CDH23: variants seen among roughly 807,000 people sequenced by gnomAD.
CDH23 encodes the protein cadherin related 23.
Under a neutral mutation model 317.1 loss-of-function variants are expected in CDH23, and 189 were observed. That is an observed-to-expected ratio of 0.60 (90% CI 0.53 to 0.67). The LOEUF (loss-of-function observed/expected upper bound fraction) is 0.67, where lower values mean the gene tolerates loss of function less well. Ranked by LOEUF, CDH23 falls within the 30% of genes least tolerant of loss-of-function variation. CDH23 has a pLI of 0.00. For missense variants in CDH23, 4,401 were observed against 4,592.4 expected (o/e 0.96, Z 1.20); for synonymous variants, 1,839 against 1,876.8 (o/e 0.98, Z 0.52).
rs1564573013 is a variant in CDH23 at position 71,427,249 on chromosome 10, A to AAGAAAG, written c.-5-12576_-5-12571dup. On this transcript the variant is annotated intron_variant, in intron 1 of 69. Coordinates refer to ENST00000224721, the MANE Select transcript of CDH23 (RefSeq NM_022124.6). ...AGAAAGAAAGAAAGAAAGAAAGGGA[A>AAGAAAG]AGAAAGAAAGAGAAAGAGAGAAAGA... Among the ~76,000 whole-genome samples, 463 of 136,246 alleles carry AAGAAAG rather than the reference A, an allele frequency of 3.4e-3. 29 individuals are homozygous for AAGAAAG. The highest frequency in any genetic ancestry group is 0.012 in the African/African-American group (438 of 35,100). The allele number at this position is 136,246 out of a possible 152,430, so 89.4% of individuals were successfully genotyped here.
chr10:71,677,379 T>A, intron 15 of CDH23, 77 bp from the exon 16 acceptor site: 1 of 1,183,056 alleles, frequency 8.5e-7, no homozygotes. Flanking sequence ...AAGGACAGGC[T>A]GGGAAATGCC....
intron 1 of CDH23, among the ~76,000 whole-genome samples, chr10:71,403,335 CTTT>C (rs1847883817): frequency 3.4e-5 from 1 of 29,366 alleles, no homozygotes; most frequent in South Asian, 1.3e-3. Context: ...TCCTTTCTTT[CTTT>C]CTTTCTTTCT....
intron 38 of CDH23, 54 bp downstream of exon 38, chr10:71,741,975 C>A: frequency 7.1e-7 from 1 of 1,403,370 alleles, no homozygotes; most frequent in Non-Finnish European, 9.7e-7. Context: ...GCAGCTCCGC[C>A]TCCGAGTGAG....
chr10:71,578,403 A>G (rs777091550), intron 9 of CDH23, among the ~76,000 whole-genome samples: 1 of 152,150 alleles, frequency 6.6e-6, no homozygotes. Context: ...TTCTAGCATC[A>G]TTTTAGAACA....
chr10:71,694,932 G>A (rs778675218), intron 21 of CDH23, among the ~76,000 whole-genome samples: 11 of 152,320 alleles, frequency 7.2e-5, no homozygotes, highest in East Asian at 1.9e-4. Flanking sequence ...AGACGGTATC[G>A]CGTGGCCAGG....
chr10:71,642,906 C>T (rs888918103), intron 11 of CDH23, among the ~76,000 whole-genome samples: 1 of 152,206 alleles, frequency 6.6e-6, no homozygotes, highest in African/African-American at 2.4e-5. Context: ...ATCTTCACCA[C>T]CTGAGGCATG....
chr10:71,484,621 C>T (rs184904971), intron 3 of CDH23, among the ~76,000 whole-genome samples: 199 of 152,310 alleles, frequency 1.3e-3, no homozygotes, highest in Middle Eastern at 3.4e-3. Context: ...TGGTGGTGAC[C>T]TTGGGGGTGC....
intron 38 of CDH23, among the ~76,000 whole-genome samples, chr10:71,762,568 G>C (rs1840423033): frequency 6.6e-6 from 1 of 152,256 alleles, no homozygotes; most frequent in South Asian, 2.1e-4. Flanking sequence ...AGCAGACGAG[G>C]CCTGCATTCC....
intron 22 of CDH23, among the ~76,000 whole-genome samples, chr10:71,701,528 C>T (rs1865583717): frequency 6.6e-6 from 1 of 152,036 alleles, no homozygotes; most frequent in Non-Finnish European, 1.5e-5. Context: ...AGGTCCAGTC[C>T]TGAGACCCTG....
rs2132940662 is a variant in CDH23 at position 71,785,752 on chromosome 10, G to A, written c.5820+14G>A. 3 of 1,515,244 alleles carry A rather than the reference G, an allele frequency of 2.0e-6. No individual in the cohort carries two copies. The highest frequency in any genetic ancestry group is 2.3e-5 in the South Asian group (2 of 85,500). 93.9% of individuals were successfully genotyped at this position (1,515,244 alleles called of 1,614,324 possible). A position where few individuals can be genotyped will look rare whatever the true frequency, so the allele number is the denominator to read the frequency against. ...ATAGCCAGGAGGGTGAGACTGGAGG[G>A]CACTGGTGGGAGTGGGCTGGGAGCT... On this transcript the variant is annotated intron_variant, in intron 44 of 69. Coordinates refer to ENST00000224721, the MANE Select transcript of CDH23 (RefSeq NM_022124.6).
intron 28 of CDH23, chr10:71,715,744 G>A: frequency 4.1e-6 from 2 of 484,274 alleles, no homozygotes; most frequent in Non-Finnish European, 3.6e-6. Context: ...TCTGCAGAGA[G>A]GAAGGTGCTC....
In CDH23 at chr10:71,807,853, C is replaced by T. The variant is rs377647993; in HGVS notation, c.8568C>T (p.Ala2856=). ...FTKAEYTAGV[A]TDAKVGSELI... ...ACCTGCCTCTTCCTGCAGGGGTGGC[C>T]ACCGACGCCAAGGTGGGCTCAGAGT... Residue 2856 remains alanine (A), a synonymous_variant, in exon 60 of 70, where the codon GCC becomes GCT. Coordinates refer to ENST00000224721, the MANE Select transcript of CDH23 (RefSeq NM_022124.6). 4.4e-6 allele frequency: 7 copies of T among 1,601,122 alleles called. No homozygotes were observed. Among genetic ancestry groups the T allele is most frequent in the Non-Finnish European group, 6.0e-6 (7 of 1,173,884 alleles).
At chr10:71,675,216 G>T in intron 15 of CDH23, 40 bp downstream of exon 15, 1 of 1,561,936 alleles carries the variant, frequency 6.4e-7, no homozygotes. Context: ...CCTCCGCAGT[G>T]GTCCTTGGCC....
chr10:71,600,635 G>A (rs1860157453), intron 9 of CDH23, among the ~76,000 whole-genome samples: 3 of 151,002 alleles, frequency 2.0e-5, no homozygotes, highest in Admixed American at 6.6e-5. Flanking sequence ...TCCTGCCTCA[G>A]CCTCCTGAGT....
chr10:71,741,750 G>C lies in CDH23; in HGVS notation c.4674G>C (p.Gly1558=), dbSNP rs763836424. The C allele has an allele frequency of 7.4e-6, 12 of 1,612,570 alleles. No individual in the cohort carries two copies. Among genetic ancestry groups the C allele is most frequent in the Non-Finnish European group, 1.0e-5 (12 of 1,179,388 alleles). Residue 1558 remains glycine, a synonymous_variant, in exon 38 of 70, where the codon GGG becomes GGC. Coordinates refer to ENST00000224721, the MANE Select transcript of CDH23 (RefSeq NM_022124.6). ...TGAGAGCCACTGACCGTGACATCGG[G>C]ATCAACAGTGTTCTGTCCTACTACA... ...VQVRATDRDI[G]INSVLSYYIT... is the part of the protein sequence containing the mutation.
At chr10:71,590,050 C>T (rs781337266) in intron 9 of CDH23, among the ~76,000 whole-genome samples, 2 of 152,170 alleles carry the variant, frequency 1.3e-5, no homozygotes, top group Admixed American at 6.5e-5. Context: ...TTTTCTCCAC[C>T]GCTCCCTGCC....
intron 38 of CDH23, among the ~76,000 whole-genome samples, chr10:71,775,354 G>C (rs1840792755): frequency 6.6e-6 from 1 of 152,162 alleles, no homozygotes; most frequent in Non-Finnish European, 1.5e-5. Flanking sequence ...AGCAGCCGGG[G>C]AGGGCCTGGA....
intron 6 of CDH23, among the ~76,000 whole-genome samples, chr10:71,565,576 G>A (rs1017120745): frequency 6.6e-5 from 10 of 152,170 alleles, no homozygotes; most frequent in Admixed American, 6.5e-4. Flanking sequence ...GGATGGTACT[G>A]TTAATATCAG....
At chr10:71,476,691 G>A (rs146593315) in intron 3 of CDH23, among the ~76,000 whole-genome samples, 30 of 152,290 alleles carry the variant, frequency 2.0e-4, no homozygotes, top group East Asian at 1.5e-3. Flanking sequence ...AGGGTGTATC[G>A]TAGAACCTGG....
Sources: allele counts gnomAD v4.1 joint callset (sites outside exome capture counted in the v4.1 genomes callset), GRCh38; gene constraint gnomAD v4.1.1; transcripts MANE v1.5; gene names NCBI Gene and HGNC (gene_info 2026-07-23, HGNC 2026-07-21).